Variants in FAM13A observed in about 807,000 individuals in gnomAD.
FAM13A encodes family with sequence similarity 13 member A.
In FAM13A, 76 loss-of-function variants were observed where a neutral mutation model predicts 129.6. The ratio of observed to expected loss-of-function variants is 0.59; its 90% CI spans 0.49 to 0.71. FAM13A has a LOEUF of 0.71. Among genes scored for constraint, FAM13A ranks in the 30% least tolerant of loss-of-function variants. The probability of loss-of-function intolerance (pLI) is 0.00; values close to 1 mark genes in which losing one functional copy is unlikely to be tolerated. For missense variants in FAM13A, 1,108 were observed against 1,249.3 expected, an observed-to-expected ratio of 0.89 and a Z score of 1.70; for synonymous variants, 443 against 449.9, an observed-to-expected ratio of 0.98 and a Z score of 0.20.
intron 23 of FAM13A, chr4:88,729,331 C>A (rs1422097107): frequency 6.6e-6 from 1 of 152,124 alleles, no homozygotes; most frequent in Non-Finnish European, 1.5e-5. Context: ...ATGATGAAAC[C>A]AGCACAGGAA....
intron 2 of FAM13A, among the ~76,000 whole-genome samples, chr4:89,021,237 G>T (rs1767212453): frequency 6.6e-6 from 1 of 152,210 alleles, no homozygotes; most frequent in African/African-American, 2.4e-5. Context: ...GAGGTTATCA[G>T]AGAAGGCCTC....
chr4:88,853,754 G>A (rs556732542), intron 6 of FAM13A, among the ~76,000 whole-genome samples: 2 of 152,336 alleles, frequency 1.3e-5, no homozygotes, highest in South Asian at 4.1e-4. Flanking sequence ...GGACTGGGAA[G>A]AGCAGACCCA....
intron 1 of FAM13A, among the ~76,000 whole-genome samples, chr4:89,041,641 C>T (rs1770143339): frequency 2.0e-5 from 3 of 152,052 alleles, no homozygotes. Context: ...CTGTGGCAGG[C>T]CGGGCACGGT....
At chr4:88,939,125 A>G (rs1218345572) in intron 4 of FAM13A, among the ~76,000 whole-genome samples, 1 of 152,222 alleles carries the variant, frequency 6.6e-6, no homozygotes, top group Non-Finnish European at 1.5e-5. Context: ...TTAAAACAAC[A>G]GAAAGTATTG....
At chr4:88,919,347 A>C (rs776465503) in intron 5 of FAM13A, among the ~76,000 whole-genome samples, 5 of 152,244 alleles carry the variant, frequency 3.3e-5, no homozygotes, top group Non-Finnish European at 5.9e-5. Flanking sequence ...AAGTCTGTGA[A>C]GCAAACTTTT....
chr4:88,856,646 G>A lies in FAM13A; in HGVS notation c.844-5463C>T, dbSNP rs950932842. On this transcript the variant is annotated intron_variant, in intron 6 of 23. Coordinates refer to ENST00000264344, the MANE Select transcript of FAM13A (RefSeq NM_014883.4). ...AGAAAATTATATTCAAGGCTTAAAT[G>A]ATTATGAAAGATTGAGATCGAAGGA... Among the ~76,000 whole-genome samples the A allele has an allele frequency of 7.9e-5, 12 of 152,346 alleles. 1 individual carries two copies. The highest frequency in any genetic ancestry group is 7.8e-4 in the Admixed American group (12 of 15,306).
intron 6 of FAM13A, among the ~76,000 whole-genome samples, chr4:88,904,914 T>G (rs185262980): frequency 2.0e-5 from 3 of 152,338 alleles, no homozygotes; most frequent in Admixed American, 6.5e-5. Flanking sequence ...GTTTTTATTT[T>G]TTCTTATTAA....
At chr4:88,800,756 A>C (rs1727294979) in intron 8 of FAM13A, among the ~76,000 whole-genome samples, 1 of 151,856 alleles carries the variant, frequency 6.6e-6, no homozygotes, top group African/African-American at 2.4e-5. Context: ...AAGGAAAACA[A>C]ATATTTTTAA....
intron 6 of FAM13A, among the ~76,000 whole-genome samples, chr4:88,870,414 T>C (rs543435967): frequency 3.9e-5 from 6 of 152,182 alleles, no homozygotes; most frequent in Non-Finnish European, 8.8e-5. Flanking sequence ...CCTGGAAAAT[T>C]GGGTCACTCC....
At chr4:88,731,817 T>G in intron 22 of FAM13A, 185 bp downstream of exon 22, 1 of 550,502 alleles carries the variant, frequency 1.8e-6, no homozygotes, top group Non-Finnish European at 3.1e-6. Context: ...AAAAGTTCCC[T>G]CAAATAACAT....
chr4:88,807,617 A>G (rs1388245272), intron 7 of FAM13A, among the ~76,000 whole-genome samples: 2 of 152,178 alleles, frequency 1.3e-5, no homozygotes, highest in East Asian at 3.9e-4. Flanking sequence ...AATGCATTCG[A>G]TGGCCAGTCT....
chr4:88,881,781 AAAAC>A (rs1743616604), intron 6 of FAM13A, among the ~76,000 whole-genome samples: 1 of 152,214 alleles, frequency 6.6e-6, no homozygotes, highest in South Asian at 2.1e-4. Context: ...GCATAAATAA[AAAAC>A]AATCACAACT....
intron 7 of FAM13A, among the ~76,000 whole-genome samples, chr4:88,839,053 T>C (rs898652581): frequency 1.4e-4 from 21 of 152,330 alleles, no homozygotes; most frequent in African/African-American, 5.1e-4. Context: ...CAAATACTCT[T>C]ATCATCATGT....
chr4:88,836,314 T>G (rs1187633714), intron 7 of FAM13A, among the ~76,000 whole-genome samples: 1 of 152,224 alleles, frequency 6.6e-6, no homozygotes, highest in Non-Finnish European at 1.5e-5. Context: ...TAGTCAGTAA[T>G]ACATTTCTAT....
intron 6 of FAM13A, among the ~76,000 whole-genome samples, chr4:88,865,899 T>C (rs1358220857): frequency 2.8e-5 from 4 of 143,844 alleles, no homozygotes; most frequent in Admixed American, 1.4e-4. Flanking sequence ...TTTTTTTTTT[T>C]TTTTTTTTGA....
intron 7 of FAM13A, among the ~76,000 whole-genome samples, chr4:88,827,017 C>A (rs970528282): frequency 6.6e-6 from 1 of 152,156 alleles, no homozygotes; most frequent in African/African-American, 2.4e-5. Flanking sequence ...AGACTTCCCC[C>A]AAATCTATCT....
chr4:89,006,397 G>A (rs1765009718), intron 3 of FAM13A, among the ~76,000 whole-genome samples: 1 of 152,180 alleles, frequency 6.6e-6, no homozygotes, highest in African/African-American at 2.4e-5. Flanking sequence ...AATAACCTCA[G>A]GAAGTAGACA....
At chr4:88,747,044 AAGAG>A in intron 18 of FAM13A, 29 bp from the exon 19 acceptor site, 2 of 1,448,154 alleles carry the variant, frequency 1.4e-6, no homozygotes, top group Non-Finnish European at 1.9e-6. Flanking sequence ...AGAGAATTGA[AAGAG>A]AGGAAAATGT....
chr4:88,812,757 A>G (rs1313048945), intron 7 of FAM13A, among the ~76,000 whole-genome samples: 1 of 152,152 alleles, frequency 6.6e-6, no homozygotes. Flanking sequence ...TTATCTTTGT[A>G]ACAACAGCAC....
Sources: gnomAD v4.1 joint callset for allele counts (sites outside exome capture counted in the v4.1 genomes callset) on GRCh38, gnomAD v4.1.1 for gene constraint, MANE v1.5 for transcripts, NCBI Gene and HGNC (gene_info 2026-07-23, HGNC 2026-07-21) for gene names.